NDFIP2: variants seen among roughly 807,000 people sequenced by gnomAD.
NDFIP2 encodes Nedd4 family interacting protein 2.
In NDFIP2, 19 loss-of-function variants were observed where a neutral mutation model predicts 36.0. The observed-to-expected ratio is 0.53, with a 90% CI of 0.37 to 0.77. NDFIP2 has a LOEUF of 0.77. Among genes scored for constraint, NDFIP2 ranks in the 30% least tolerant of loss-of-function variants. The pLI is 0.00. For synonymous variants in NDFIP2, 181 were observed against 167.7 expected, an observed-to-expected ratio of 1.08 and a Z score of -0.61; for missense variants, 446 against 435.8, an observed-to-expected ratio of 1.02 and a Z score of -0.21.
chr13:79,540,951 CA>C (rs969538968), intron 4 of NDFIP2, among the ~76,000 whole-genome samples: 57 of 152,254 alleles, frequency 3.7e-4, no homozygotes, highest in African/African-American at 1.3e-3. Flanking sequence ...ACTGTGGTTA[CA>C]AATGAGTGCT....
chr13:79,505,197 A>G (rs191358528), intron 1 of NDFIP2, among the ~76,000 whole-genome samples: 9 of 152,322 alleles, frequency 5.9e-5, no homozygotes, highest in East Asian at 1.9e-4. Context: ...CTGGGTGCCT[A>G]ATGAACATTT....
chr13:79,532,548 G>A (rs1461951688), intron 2 of NDFIP2, among the ~76,000 whole-genome samples: 1 of 152,024 alleles, frequency 6.6e-6, no homozygotes, highest in Non-Finnish European at 1.5e-5. Flanking sequence ...ATTTTCTATT[G>A]TAATGTATTT....
intron 2 of NDFIP2, among the ~76,000 whole-genome samples, chr13:79,530,807 T>C (rs116767888): frequency 0.015 from 2,220 of 152,318 alleles, 56 homozygotes; most frequent in African/African-American, 0.051. Context: ...CTCCCACGTC[T>C]GCAATTACTT....
At chr13:79,497,665 T>G (rs1488480353) in intron 1 of NDFIP2, among the ~76,000 whole-genome samples, 3 of 148,788 alleles carry the variant, frequency 2.0e-5, no homozygotes, top group Non-Finnish European at 3.0e-5. Flanking sequence ...TCTGAGTTTT[T>G]TTTTTTTTTT....
chr13:79,544,231 G>C (rs1447910922), intron 5 of NDFIP2, among the ~76,000 whole-genome samples: 3 of 152,150 alleles, frequency 2.0e-5, no homozygotes, highest in Admixed American at 1.3e-4. Flanking sequence ...GTGAAGGCCT[G>C]TGAAGTGGTT....
chr13:79,529,795 T>G (rs1445038479), intron 2 of NDFIP2, among the ~76,000 whole-genome samples: 1 of 152,220 alleles, frequency 6.6e-6, no homozygotes, highest in Non-Finnish European at 1.5e-5. Context: ...GAAATTCTGT[T>G]AGACAAAATT....
At chr13:79,550,968 C>T (rs763853972) in intron 6 of NDFIP2, 49 bp from the exon 7 acceptor site, 7 of 1,128,946 alleles carry the variant, frequency 6.2e-6, no homozygotes. Flanking sequence ...TTATCTTGCC[C>T]TTTTCTGTAT....
chr13:79,491,737 C>T (rs753249708), intron 1 of NDFIP2, among the ~76,000 whole-genome samples: 63 of 152,220 alleles, frequency 4.1e-4, no homozygotes, highest in Admixed American at 1.5e-3. Flanking sequence ...CTTCTACTGA[C>T]GTTTAGTCAA....
chr13:79,517,360 T>G (rs533046912), intron 1 of NDFIP2, among the ~76,000 whole-genome samples: 1 of 152,128 alleles, frequency 6.6e-6, no homozygotes, highest in South Asian at 2.1e-4. Context: ...TTTAGATGAT[T>G]GTTAATGAAT....
intron 2 of NDFIP2, among the ~76,000 whole-genome samples, chr13:79,522,049 C>CT (rs1236929482): frequency 6.6e-6 from 1 of 152,018 alleles, no homozygotes; most frequent in Non-Finnish European, 1.5e-5. Context: ...AGGATGGTCT[C>CT]TATCTCCTGA....
At chr13:79,485,708 T>G (rs900841333) in intron 1 of NDFIP2, among the ~76,000 whole-genome samples, 5 of 152,242 alleles carry the variant, frequency 3.3e-5, no homozygotes, top group Admixed American at 6.5e-5. Context: ...TTGATTTCTC[T>G]GTTATACTGA....
At chr13:79,551,801 C>T (rs56226041) in intron 7 of NDFIP2, among the ~76,000 whole-genome samples, 1,718 of 151,334 alleles carry the variant, frequency 0.011, 35 homozygotes, top group African/African-American at 0.04. Flanking sequence ...GGAGTATCTT[C>T]ACATAAAGTA....
intron 1 of NDFIP2, among the ~76,000 whole-genome samples, chr13:79,483,706 A>G (rs1295090271): frequency 6.6e-6 from 1 of 152,190 alleles, no homozygotes; most frequent in African/African-American, 2.4e-5. Flanking sequence ...CATCAGAAGG[A>G]CTTACTACCA....
intron 4 of NDFIP2, among the ~76,000 whole-genome samples, chr13:79,540,191 A>G (rs1262310618): frequency 6.6e-6 from 1 of 152,228 alleles, no homozygotes; most frequent in Non-Finnish European, 1.5e-5. Flanking sequence ...AAAAACAGAT[A>G]TTCTGGGCAA....
chr13:79,482,382 C>T lies in NDFIP2; in HGVS notation c.321+858C>T, dbSNP rs372236595. ...TTAAATATATTTTTCTTTGTGTATT[C>T]TGGTGGTGACGTTGGAGATTCCTGT... is the stretch of plus-strand genomic sequence containing the variant. On this transcript the variant is annotated intron_variant, in intron 1 of 7. Transcript: ENST00000218652. Among the ~76,000 whole-genome samples the T allele has an allele frequency of 3.4e-4, 51 of 152,066 alleles. No homozygotes were observed. In the South Asian group the frequency reaches 8.1e-3, roughly 24 times the overall value.
chr13:79,534,753 C>T (rs143619344), intron 3 of NDFIP2, among the ~76,000 whole-genome samples: 59 of 152,244 alleles, frequency 3.9e-4, no homozygotes, highest in African/African-American at 1.3e-3. Flanking sequence ...GAGAGATGTG[C>T]TTCCATGTAT....
chr13:79,520,896 G>T lies in NDFIP2; in HGVS notation c.408G>T (p.Ala136=), dbSNP rs371388745. ...SNPAPQIVQA[A]SSAPALETDS... Reference sequence around the variant, plus strand: ...CAGCACCGCAGATTGTGCAGGCTGCGTCTTCAGCACCAGCACTTGAAACTG... The same window carrying T: ...CAGCACCGCAGATTGTGCAGGCTGCTTCTTCAGCACCAGCACTTGAAACTG... The change falls in exon 2 of 8, where the codon GCG becomes GCT. Residue 136 remains alanine (A), a synonymous_variant. Coordinates refer to ENST00000218652, the MANE Select transcript of NDFIP2 (RefSeq NM_019080.3). 6 of 1,613,580 alleles carry T rather than the reference G, an allele frequency of 3.7e-6. No homozygotes were observed. Among genetic ancestry groups the T allele is most frequent in the Non-Finnish European group, 5.1e-6 (6 of 1,179,832 alleles).
chr13:79,545,371 T>C (rs1875628078), intron 5 of NDFIP2, among the ~76,000 whole-genome samples: 1 of 152,216 alleles, frequency 6.6e-6, no homozygotes, highest in Non-Finnish European at 1.5e-5. Context: ...CTCTAGTTGA[T>C]GTGATAAGAT....
Position 79,543,772 on chromosome 13 carries a change from C to T in NDFIP2, c.840+90C>T, listed in dbSNP as rs1875550824. On this transcript the variant is annotated intron_variant, in intron 5 of 7. Coordinates refer to ENST00000218652, the MANE Select transcript of NDFIP2 (RefSeq NM_019080.3). ...GGTTCATAAATGGTCACTTTATTTT[C>T]ATGAATTCAGTTATTTCAAGGCTTA... 3.4e-6 allele frequency: 5 copies of T among 1,482,700 alleles called. No individual in the cohort carries two copies. In the South Asian group the frequency reaches 5.1e-5, roughly 15 times the overall value. The allele number at this position is 1,482,700 out of a possible 1,614,324, so 91.8% of individuals were successfully genotyped here. A position where few individuals can be genotyped will look rare whatever the true frequency, so the allele number is the denominator to read the frequency against.
Sources: allele counts gnomAD v4.1 joint callset (sites outside exome capture counted in the v4.1 genomes callset), GRCh38; gene constraint gnomAD v4.1.1; transcripts MANE v1.5; gene names NCBI Gene and HGNC (gene_info 2026-07-23, HGNC 2026-07-21).